PDGFD: variants seen among roughly 807,000 people sequenced by gnomAD.
The protein encoded by PDGFD is platelet-derived growth factor D.
In PDGFD, 30 loss-of-function variants were observed where a neutral mutation model predicts 44.7. The observed-to-expected ratio is 0.67, with a 90% CI of 0.50 to 0.91. The LOEUF is 0.91. Ranked by LOEUF, PDGFD falls within the 40% of genes least tolerant of loss-of-function variation. The pLI is 0.00. For synonymous variants in PDGFD, 173 were observed against 168.4 expected (o/e 1.03, Z -0.21); for missense variants, 445 against 457.8 (o/e 0.97, Z 0.25).
In PDGFD at chr11:104,037,988, T is replaced by C. The variant is rs771896221; in HGVS notation, c.125-37733A>G. 1.2e-6 allele frequency: 2 copies of C among 1,613,702 alleles called. No homozygotes were observed. The highest frequency in any genetic ancestry group is 8.5e-7 in the Non-Finnish European group (1 of 1,179,674). On this transcript the variant is annotated intron_variant, in intron 1 of 6. Transcript: ENST00000393158. ...GACAAGGAAATTACACATTCAGTCA[T>C]GGATTCAGGACGAAAAGAGCATTAA...
At chr11:104,044,932 G>A (rs1206150624) in intron 1 of PDGFD, among the ~76,000 whole-genome samples, 3 of 152,128 alleles carry the variant, frequency 2.0e-5, no homozygotes, top group East Asian at 1.9e-4. Context: ...CAGGTAGTCC[G>A]GAGGCTGAGG....
intron 1 of PDGFD, among the ~76,000 whole-genome samples, chr11:104,057,112 G>C (rs1251887707): frequency 6.6e-6 from 1 of 152,140 alleles, no homozygotes. Context: ...TGGCGACACA[G>C]CAAGACTTCG....
chr11:104,020,345 A>G (rs2134381634), intron 1 of PDGFD, among the ~76,000 whole-genome samples: 1 of 152,278 alleles, frequency 6.6e-6, no homozygotes, highest in Non-Finnish European at 1.5e-5. Flanking sequence ...TCCACAAAGT[A>G]TGACCTGATT....
In PDGFD at chr11:103,985,093, T is replaced by TAA. The variant is rs1453314393; in HGVS notation, c.510+10971_510+10972insTT. Among the ~76,000 whole-genome samples the TAA allele has an allele frequency of 6.7e-3, 639 of 95,162 alleles. 104 individuals carry two copies. Among genetic ancestry groups the TAA allele is most frequent in the African/African-American group, 0.018 (415 of 23,134 alleles). The allele number at this position is 95,162 out of a possible 152,430, so 62.4% of individuals were successfully genotyped here. A position where few individuals can be genotyped will look rare whatever the true frequency, so the allele number is the denominator to read the frequency against. ...TTAATAGTTATATTTATTTAATATA[T>TAA]TATATATTAATTTATTTAATATATA... On this transcript the variant is annotated intron_variant, in intron 3 of 6. Transcript: ENST00000393158.
chr11:104,030,131 G>A (rs565403318), intron 1 of PDGFD, among the ~76,000 whole-genome samples: 1 of 152,092 alleles, frequency 6.6e-6, no homozygotes, highest in Non-Finnish European at 1.5e-5. Flanking sequence ...CATACATTTC[G>A]TGTTTATACT....
intron 5 of PDGFD, among the ~76,000 whole-genome samples, chr11:103,932,507 C>T (rs1401153847): frequency 6.6e-6 from 1 of 152,172 alleles, no homozygotes; most frequent in Non-Finnish European, 1.5e-5. Flanking sequence ...TAAGAAGCAT[C>T]CATATTCAGG....
At chr11:104,033,881 CCATAA>C (rs1232562927) in intron 1 of PDGFD, among the ~76,000 whole-genome samples, 2 of 152,064 alleles carry the variant, frequency 1.3e-5, no homozygotes, top group African/African-American at 4.8e-5. Context: ...GTGCAAAGAA[CCATAA>C]CATAATATTA....
chr11:103,941,268 G>A (rs1452028282), intron 5 of PDGFD, among the ~76,000 whole-genome samples: 1 of 152,022 alleles, frequency 6.6e-6, no homozygotes, highest in African/African-American at 2.4e-5. Flanking sequence ...TTCAGCCAGA[G>A]TGGAGAACCA....
At chr11:104,104,953 A>G (rs1005321715) in intron 1 of PDGFD, among the ~76,000 whole-genome samples, 1 of 152,180 alleles carries the variant, frequency 6.6e-6, no homozygotes, top group Non-Finnish European at 1.5e-5. Context: ...TTTTTCACCA[A>G]TAAGGACTTT....
chr11:104,075,759 T>A (rs1173474423), intron 1 of PDGFD, among the ~76,000 whole-genome samples: 1 of 152,166 alleles, frequency 6.6e-6, no homozygotes, highest in Non-Finnish European at 1.5e-5. Context: ...GTCTCTCCCA[T>A]GCTCACTGCC....
intron 1 of PDGFD, among the ~76,000 whole-genome samples, chr11:104,031,512 T>C (rs991883442): frequency 6.6e-6 from 1 of 152,188 alleles, no homozygotes; most frequent in Non-Finnish European, 1.5e-5. Flanking sequence ...GGTGAGGTTG[T>C]TGAGAAATAG....
chr11:103,949,184 G>A (rs1401043052), intron 3 of PDGFD, among the ~76,000 whole-genome samples: 1 of 151,762 alleles, frequency 6.6e-6, no homozygotes, highest in Non-Finnish European at 1.5e-5. Context: ...TGTATTTTTA[G>A]TAGAGATGGA....
intron 6 of PDGFD, among the ~76,000 whole-genome samples, chr11:103,910,419 G>C (rs918689437): frequency 1.3e-5 from 2 of 152,204 alleles, no homozygotes; most frequent in African/African-American, 4.8e-5. Flanking sequence ...ACTGGGACTG[G>C]TTAGACATTG....
At chr11:104,153,270 A>G (rs930290403) in intron 1 of PDGFD, among the ~76,000 whole-genome samples, 1 of 152,172 alleles carries the variant, frequency 6.6e-6, no homozygotes. Context: ...TGGCCTAAAG[A>G]TCTGTCATTA....
chr11:104,020,299 G>A (rs1859930040), intron 1 of PDGFD, among the ~76,000 whole-genome samples: 1 of 152,002 alleles, frequency 6.6e-6, no homozygotes, highest in African/African-American at 2.4e-5. Context: ...AGTTTGAGAT[G>A]ACTGTGACTG....
intron 1 of PDGFD, among the ~76,000 whole-genome samples, chr11:104,028,713 C>T (rs1439345801): frequency 6.7e-6 from 1 of 148,926 alleles, no homozygotes; most frequent in Non-Finnish European, 1.5e-5. Context: ...AAAAACACTG[C>T]AGTAAGAACA....
At chr11:104,129,739 T>C (rs1341246446) in intron 1 of PDGFD, among the ~76,000 whole-genome samples, 2 of 152,142 alleles carry the variant, frequency 1.3e-5, no homozygotes, top group African/African-American at 4.8e-5. Flanking sequence ...CTGGGTGCAG[T>C]GGCTCACGCC....
At chr11:104,015,387 C>T (rs1249763340) in intron 1 of PDGFD, among the ~76,000 whole-genome samples, 4 of 151,914 alleles carry the variant, frequency 2.6e-5, no homozygotes, top group Non-Finnish European at 5.9e-5. Flanking sequence ...CAGGTGTGAA[C>T]GAAGCTACAT....
rs1305900055 is a variant in PDGFD, at chr11:104,080,409, G to T, written c.125-80154C>A. ...AATTCAAGTACTTTAAATATCATAT[G>T]ATTCTTTCTAGAAAACAAATAGATT... On this transcript the variant is annotated intron_variant, in intron 1 of 6. Transcript: ENST00000393158. Among the ~76,000 whole-genome samples the T allele has an allele frequency of 7.2e-5, 11 of 152,236 alleles. No individual in the cohort carries two copies. The East Asian group carries it at 2.1e-3, about 29-fold the overall frequency.
Sources: allele counts gnomAD v4.1 joint callset (sites outside exome capture counted in the v4.1 genomes callset), GRCh38; gene constraint gnomAD v4.1.1; transcripts MANE v1.5; gene names NCBI Gene and HGNC (gene_info 2026-07-23, HGNC 2026-07-21).